PPP1R3A: variants seen among roughly 807,000 people sequenced by gnomAD.
PPP1R3A encodes the protein RG1.
Under a neutral mutation model 41.7 loss-of-function variants are expected in PPP1R3A, and 29 were observed. That is an observed-to-expected ratio of 0.70 (90% CI 0.52 to 0.95). PPP1R3A has a LOEUF of 0.95. Ranked by LOEUF, PPP1R3A falls within the 40% of genes least tolerant of loss-of-function variation. The pLI, the probability that PPP1R3A is intolerant of heterozygous loss-of-function variation, is 0.00. For synonymous variants in PPP1R3A, 485 were observed against 453.4 expected (o/e 1.07, Z -0.89); for missense variants, 1,352 against 1,292.4 (o/e 1.05, Z -0.71).
chr7:113,901,105 G>A (rs1405098864), intron 1 of PPP1R3A, among the ~76,000 whole-genome samples: 1 of 151,588 alleles, frequency 6.6e-6, no homozygotes, highest in Non-Finnish European at 1.5e-5. Flanking sequence ...TAGAGTAAAG[G>A]TGAAAGGGAT....
chr7:113,879,285 A>G lies in PPP1R3A; in HGVS notation c.1807T>C (p.Leu603=). 6.2e-7 allele frequency: 1 copy of G among 1,613,670 alleles called. No individual in the cohort carries two copies. The highest frequency in any genetic ancestry group is 8.5e-7 in the Non-Finnish European group (1 of 1,179,738). The change falls in exon 4 of 4, where the codon TTG becomes CTG. Residue 603 remains leucine, a synonymous_variant. Coordinates refer to ENST00000284601, the MANE Select transcript of PPP1R3A (RefSeq NM_002711.4). The part of the protein sequence containing the change: ...EAVLTPEHHH[L]TSEGSALGGI... ...CCTAAAGCGCTGCCTTCACTAGTCA[A>G]ATGATGATGCTCTGGGGTTAACACA...
intron 1 of PPP1R3A, among the ~76,000 whole-genome samples, chr7:113,906,331 T>C (rs1797146175): frequency 6.6e-6 from 1 of 151,868 alleles, no homozygotes; most frequent in South Asian, 2.1e-4. Flanking sequence ...TCTTAATTTT[T>C]AAAATAATTG....
chr7:113,913,439 T>C (rs1337018633), intron 1 of PPP1R3A, among the ~76,000 whole-genome samples: 2 of 152,158 alleles, frequency 1.3e-5, no homozygotes, highest in Non-Finnish European at 2.9e-5. Flanking sequence ...GTTCTCTCTT[T>C]CCTGTTCCTG....
At chr7:113,918,088 A>G in intron 1 of PPP1R3A, 127 bp downstream of exon 1, 2 of 898,042 alleles carry the variant, frequency 2.2e-6, no homozygotes, top group South Asian at 1.7e-5. Flanking sequence ...AAAGCCTGGC[A>G]CCATTGTTTT....
chr7:113,879,980 TG>T lies in PPP1R3A; in HGVS notation c.1111del (p.Gln371LysfsTer14). 1.2e-6 allele frequency: 2 copies of T among 1,613,502 alleles called. No individual in the cohort carries two copies. Among genetic ancestry groups the T allele is most frequent in the Non-Finnish European group, 1.7e-6 (2 of 1,179,614 alleles). On this transcript the variant is annotated frameshift_variant, in exon 4 of 4. Transcript: ENST00000284601. LOFTEE classifies it low-confidence loss of function (END_TRUNC). ...IHGEICTDLF[Q>X]RSLSPSSSAE... ...TGATGAACTTGGAGACAGAGACCTT[TG>T]GAACAAGTCAGTACATATTTCACCA...
chr7:113,899,773 A>C (rs1254416373), intron 1 of PPP1R3A, among the ~76,000 whole-genome samples: 1 of 151,640 alleles, frequency 6.6e-6, no homozygotes, highest in African/African-American at 2.4e-5. Flanking sequence ...TGGGTGCCTT[A>C]TTTTTCCGTT....
At chr7:113,888,031 GAA>G (rs1185175380) in intron 1 of PPP1R3A, among the ~76,000 whole-genome samples, 5 of 140,354 alleles carry the variant, frequency 3.6e-5, no homozygotes, top group Non-Finnish European at 3.1e-5. Flanking sequence ...CTGTCTCAAG[GAA>G]AAAAAAAAAA....
At chr7:113,910,850 G>A (rs1797233228) in intron 1 of PPP1R3A, among the ~76,000 whole-genome samples, 1 of 152,042 alleles carries the variant, frequency 6.6e-6, no homozygotes, top group African/African-American at 2.4e-5. Flanking sequence ...GCTAAGAAAT[G>A]TTTTCACATA....
chr7:113,907,334 T>C (rs1303081417), intron 1 of PPP1R3A, among the ~76,000 whole-genome samples: 1 of 151,788 alleles, frequency 6.6e-6, no homozygotes, highest in Non-Finnish European at 1.5e-5. Context: ...TGAGATTTAA[T>C]ATCCTTTACT....
intron 1 of PPP1R3A, among the ~76,000 whole-genome samples, chr7:113,910,086 C>T (rs1328577950): frequency 6.6e-6 from 1 of 151,962 alleles, no homozygotes; most frequent in Non-Finnish European, 1.5e-5. Flanking sequence ...CAGGTGAATT[C>T]CCATTTATAA....
Position 113,918,733 on chromosome 7 carries a change from A to G in PPP1R3A, c.264T>C (p.Ala88=), listed in dbSNP as rs1032225013. Residue 88 remains alanine, a synonymous_variant, in exon 1 of 4, where the codon GCT becomes GCC. Coordinates refer to ENST00000284601, the MANE Select transcript of PPP1R3A (RefSeq NM_002711.4). Reference sequence around the variant, plus strand: ...CCGTCCCTAAGTCAAAAGTGGTTGAAGCACTCGGTAATTCCCAGCAATCAA... The same window carrying G: ...CCGTCCCTAAGTCAAAAGTGGTTGAGGCACTCGGTAATTCCCAGCAATCAA... The part of the protein sequence containing the change: ...KEFDCWELPS[A]STTFDLGTDI... The G allele has an allele frequency of 1.9e-6, 3 of 1,613,880 alleles. No homozygotes were observed. The highest frequency in any genetic ancestry group is 2.7e-5 in the African/African-American group (2 of 75,024).
rs1043667154 is a variant in PPP1R3A, at chr7:113,915,850, C to G, written c.782+2365G>C. On this transcript the variant is annotated intron_variant, in intron 1 of 3. Coordinates refer to ENST00000284601, the MANE Select transcript of PPP1R3A (RefSeq NM_002711.4). The stretch of plus-strand genomic sequence containing the variant: ...AACACCGATAAGGTGTGCTATTTTT[C>G]TCTAACCAAACTCTTCACAATAAAA... Among the ~76,000 whole-genome samples the G allele has an allele frequency of 2.6e-5, 4 of 151,860 alleles. No individual in the cohort carries two copies. In the South Asian group the frequency reaches 6.2e-4, roughly 24 times the overall value.
chr7:113,908,342 G>T (rs1159559937), intron 1 of PPP1R3A, among the ~76,000 whole-genome samples: 1 of 151,412 alleles, frequency 6.6e-6, no homozygotes, highest in Non-Finnish European at 1.5e-5. Flanking sequence ...GCACACACGT[G>T]TGTGTGTGTG....
chr7:113,898,905 T>C (rs926078844), intron 1 of PPP1R3A, among the ~76,000 whole-genome samples: 2 of 151,826 alleles, frequency 1.3e-5, no homozygotes, highest in African/African-American at 4.8e-5. Context: ...TGTATATGTA[T>C]GTCCTACAAT....
intron 1 of PPP1R3A, among the ~76,000 whole-genome samples, chr7:113,909,345 A>G (rs144931739): frequency 2.0e-5 from 3 of 152,162 alleles, no homozygotes; most frequent in Admixed American, 6.6e-5. Flanking sequence ...GAATAAATGA[A>G]GCGATCTTCT....
intron 1 of PPP1R3A, among the ~76,000 whole-genome samples, chr7:113,916,098 C>T (rs1367722078): frequency 1.3e-5 from 2 of 152,014 alleles, no homozygotes. Context: ...AAATTCAGCA[C>T]AAAATGCCTC....
intron 1 of PPP1R3A, among the ~76,000 whole-genome samples, chr7:113,894,626 T>A (rs973088344): frequency 6.6e-6 from 1 of 151,466 alleles, no homozygotes; most frequent in African/African-American, 2.4e-5. Flanking sequence ...GTCATGTGTG[T>A]TTTTTTTCCT....
At chr7:113,895,675 T>C (rs1796965230) in intron 1 of PPP1R3A, among the ~76,000 whole-genome samples, 2 of 151,958 alleles carry the variant, frequency 1.3e-5, no homozygotes, top group Admixed American at 1.3e-4. Flanking sequence ...TTCAAATTAT[T>C]CTACTTATGC....
At chr7:113,908,717 C>A (rs1388516820) in intron 1 of PPP1R3A, among the ~76,000 whole-genome samples, 1 of 151,818 alleles carries the variant, frequency 6.6e-6, no homozygotes. Context: ...GCACTATTCA[C>A]AATAGCAAAG....
Sources: gnomAD v4.1 joint callset for allele counts (sites outside exome capture counted in the v4.1 genomes callset) on GRCh38, gnomAD v4.1.1 for gene constraint, MANE v1.5 for transcripts, NCBI Gene and HGNC (gene_info 2026-07-23, HGNC 2026-07-21) for gene names.